XXYLT1: variants seen among roughly 807,000 people sequenced by gnomAD.
The protein encoded by XXYLT1 is UDP-xylose:alpha-xyloside alpha-1,3-xylosyltransferase.
In XXYLT1, 20 loss-of-function variants were observed where a neutral mutation model predicts 28.9. The ratio of observed to expected loss-of-function variants is 0.69; its 90% CI spans 0.49 to 1.00. The LOEUF (loss-of-function observed/expected upper bound fraction) is 1.00, where lower values mean the gene tolerates loss of function less well. Among genes scored for constraint, XXYLT1 ranks in the 50% least tolerant of loss-of-function variants. The probability of loss-of-function intolerance (pLI) is 0.00; values close to 1 mark genes in which losing one functional copy is unlikely to be tolerated. For missense variants in XXYLT1, 542 were observed against 560.1 expected, an observed-to-expected ratio of 0.97 and a Z score of 0.33; for synonymous variants, 257 against 253.8, an observed-to-expected ratio of 1.01 and a Z score of -0.12.
At position 195,070,058 on chromosome 3, in the gene XXYLT1, G is replaced by A. The variant is rs375309181; in HGVS notation, c.839C>T (p.Pro280Leu). 7.5e-5 allele frequency: 120 copies of A among 1,596,084 alleles called. No homozygotes were observed. In the Admixed American group the frequency reaches 9.1e-4, roughly 12 times the overall value. ...HENPQTRVGGPPPEGLPGFNS... is the reference protein window; with the variant it reads ...HENPQTRVGGLPPEGLPGFNS... ...GAAGCCCGGCAGCCCCTCGGGGGGC[G>A]GGCCCCCAACCCGGGTCTGGGGGTT... The change falls in exon 4 of 4, where the codon CCG becomes CTG. Residue 280 changes from proline to leucine, a missense_variant. Physicochemically the swap from Pro to Leu is moderately conservative, Grantham distance 98. Coordinates refer to ENST00000310380, the MANE Select transcript of XXYLT1 (RefSeq NM_152531.5).
At chr3:195,218,589 G>T (rs1177362753) in intron 2 of XXYLT1, among the ~76,000 whole-genome samples, 3 of 152,058 alleles carry the variant, frequency 2.0e-5, no homozygotes, top group Admixed American at 2.0e-4. Flanking sequence ...GGCCATCAGA[G>T]AAATGCAAAT....
rs1023160256 is a variant in XXYLT1, at chr3:195,209,416, G to C, written c.652+17293C>G. On this transcript the variant is annotated intron_variant, in intron 2 of 3. Coordinates refer to ENST00000310380, the MANE Select transcript of XXYLT1 (RefSeq NM_152531.5). The surrounding 1 kb of genome is among the most constrained non-coding windows in gnomAD (Gnocchi z 5.0). ...CCTCACCCCCTCGGCCCCATCAAGG[G>C]CTTTCAGATTTTACAGAAACGTTCC... The C allele has an allele frequency of 2.0e-5, 3 of 152,404 alleles. No homozygotes were observed. The highest frequency in any genetic ancestry group is 7.2e-5 in the African/African-American group (3 of 41,470). 9.4% of individuals were successfully genotyped at this position (152,404 alleles called of 1,614,324 possible).
chr3:195,226,322 G>A (rs1724049802), intron 2 of XXYLT1, among the ~76,000 whole-genome samples: 1 of 152,174 alleles, frequency 6.6e-6, no homozygotes, highest in African/African-American at 2.4e-5. Flanking sequence ...GATAAATACA[G>A]ATTCAAACTA....
chr3:195,110,347 T>TG (rs1717534915), intron 3 of XXYLT1, among the ~76,000 whole-genome samples: 1 of 57,422 alleles, frequency 1.7e-5, no homozygotes, highest in Non-Finnish European at 3.9e-5. Flanking sequence ...ATGTGTGTGG[T>TG]GTGTGGTGTA....
Position 195,180,228 on chromosome 3 carries a change from G to T in XXYLT1, c.653-23647C>A. 1 of 800,188 alleles carries T rather than the reference G, an allele frequency of 1.2e-6. No individual in the cohort carries two copies. Among genetic ancestry groups the T allele is most frequent in the Non-Finnish European group, 1.5e-6 (1 of 661,140 alleles). 49.6% of individuals were successfully genotyped at this position (800,188 alleles called of 1,614,324 possible). Reference sequence around the variant, plus strand: ...CAGTCATTTCTAACGCCAGATCCCCGTCTCTGCACTGACACCGGGGGTGGT... The same window carrying T: ...CAGTCATTTCTAACGCCAGATCCCCTTCTCTGCACTGACACCGGGGGTGGT... On this transcript the variant is annotated intron_variant, in intron 2 of 3. Transcript: ENST00000310380. This position sits in a 1 kb window ranked among gnomAD's most constrained non-coding sequence, Gnocchi z 5.8.
chr3:195,225,741 TG>T (rs1171859793), intron 2 of XXYLT1, among the ~76,000 whole-genome samples: 2 of 148,992 alleles, frequency 1.3e-5, no homozygotes, highest in Non-Finnish European at 3.0e-5. Context: ...GGGGACCTGG[TG>T]GGGGGTAATT....
intron 1 of XXYLT1, among the ~76,000 whole-genome samples, chr3:195,246,701 G>A (rs1220277413): frequency 1.3e-5 from 2 of 152,216 alleles, no homozygotes; most frequent in African/African-American, 4.8e-5. Flanking sequence ...AGGGGTCTGT[G>A]CTATCCTCTG....
chr3:195,232,949 A>T lies in XXYLT1; in HGVS notation c.505-6093T>A, dbSNP rs547652782. ...GTTTCTTTGTTGATTTTCTGTCTGG[A>T]TGATCTGTCCAATGCTGAAAGTGGG... On this transcript the variant is annotated intron_variant, in intron 1 of 3. Coordinates refer to ENST00000310380, the MANE Select transcript of XXYLT1 (RefSeq NM_152531.5). Among the ~76,000 whole-genome samples the T allele has an allele frequency of 9.9e-5, 15 of 152,248 alleles. No individual in the cohort carries two copies. In the South Asian group the frequency reaches 3.1e-3, roughly 32 times the overall value.
chr3:195,128,663 T>G (rs1718756713), intron 3 of XXYLT1, among the ~76,000 whole-genome samples: 1 of 152,204 alleles, frequency 6.6e-6, no homozygotes, highest in Non-Finnish European at 1.5e-5. Context: ...GACCAACTCC[T>G]GCTTTCCTTC....
chr3:195,127,349 T>C (rs1235799100), intron 3 of XXYLT1, among the ~76,000 whole-genome samples: 3 of 152,216 alleles, frequency 2.0e-5, no homozygotes, highest in Admixed American at 2.0e-4. Context: ...AGGGGTGCCA[T>C]GGACTTGCTA....
chr3:195,113,839 G>A (rs1717906727), intron 3 of XXYLT1, among the ~76,000 whole-genome samples: 1 of 152,126 alleles, frequency 6.6e-6, no homozygotes, highest in Non-Finnish European at 1.5e-5. Flanking sequence ...AGTGCCAGAG[G>A]GTGCTCCTGA....
chr3:195,167,741 T>C lies in XXYLT1; in HGVS notation c.653-11160A>G, dbSNP rs143569273. 1.3e-3 allele frequency among the ~76,000 whole-genome samples: 193 copies of C among 152,064 alleles called. 1 individual carries two copies. The highest frequency in any genetic ancestry group is 4.6e-3 in the African/African-American group (189 of 41,482). On this transcript the variant is annotated intron_variant, in intron 2 of 3. Transcript: ENST00000310380. The stretch of plus-strand genomic sequence containing the variant: ...GCTTCCTGGGATCACCCACTTACGG[T>C]AGGTTGTGCCAAGCATATTGTTCCC...
At chr3:195,126,116 C>G (rs1274636944) in intron 3 of XXYLT1, among the ~76,000 whole-genome samples, 3 of 146,816 alleles carry the variant, frequency 2.0e-5, no homozygotes, top group African/African-American at 7.7e-5. Context: ...GCAGACCCGC[C>G]TTGGGCAAGC....
intron 1 of XXYLT1, among the ~76,000 whole-genome samples, chr3:195,236,345 C>A (rs1266336882): frequency 6.6e-6 from 1 of 152,142 alleles, no homozygotes; most frequent in Non-Finnish European, 1.5e-5. Context: ...CCTCTTTCTC[C>A]AGGCAGAGGA....
rs1718785418 is a variant in XXYLT1 at position 195,129,236 on chromosome 3, G to A, written c.785+27213C>T. 6.6e-6 allele frequency among the ~76,000 whole-genome samples: 1 copy of A among 151,678 alleles called. No individual in the cohort carries two copies. The highest frequency in any genetic ancestry group is 1.5e-5 in the Non-Finnish European group (1 of 67,926). ...CTGCCCTCTCTCTCTCTCTTTTTTT[G>A]GTAACAGCTTTCTTGACACATAATT... On this transcript the variant is annotated intron_variant, in intron 3 of 3. Coordinates refer to ENST00000310380, the MANE Select transcript of XXYLT1 (RefSeq NM_152531.5). This position sits in a 1 kb window ranked among gnomAD's most constrained non-coding sequence, Gnocchi z 4.4.
Position 195,270,736 on chromosome 3 carries a change from G to C in XXYLT1, c.323C>G (p.Ala108Gly), listed in dbSNP as rs1384051597. Residue 108 changes from alanine to glycine, a missense_variant, in exon 1 of 4, where the codon GCG (alanine) becomes GGG (glycine). Transcript: ENST00000310380. ...DYHLLMMFTKAEHNAALQAKA... is the reference protein window; with the variant it reads ...DYHLLMMFTKGEHNAALQAKA... ...GGCCTGCAGCGCGGCATTGTGCTCC[G>C]CCTTGGTGAACATCATCAGCAGGTG... 1.3e-6 allele frequency: 2 copies of C among 1,589,806 alleles called. No homozygotes were observed. Among genetic ancestry groups the C allele is most frequent in the Non-Finnish European group, 1.7e-6 (2 of 1,172,236 alleles).
chr3:195,266,714 C>G (rs1216539585), intron 1 of XXYLT1, among the ~76,000 whole-genome samples: 2 of 152,160 alleles, frequency 1.3e-5, no homozygotes, highest in Non-Finnish European at 2.9e-5. Context: ...GGAGAGCACT[C>G]CTGGATTTCT....
intron 1 of XXYLT1, among the ~76,000 whole-genome samples, chr3:195,258,239 C>CTAGCCTCT (rs1474335772): frequency 2.0e-5 from 3 of 152,138 alleles, no homozygotes; most frequent in African/African-American, 7.2e-5. Context: ...AGACCCCACT[C>CTAGCCTCT]AGGGGGATAG....
rs1718801082 is a variant in XXYLT1 at position 195,129,582 on chromosome 3, A to G, written c.785+26867T>C. Among the ~76,000 whole-genome samples the G allele has an allele frequency of 6.6e-6, 1 of 152,180 alleles. No homozygotes were observed. The highest frequency in any genetic ancestry group is 2.4e-5 in the African/African-American group (1 of 41,442). On this transcript the variant is annotated intron_variant, in intron 3 of 3. Transcript: ENST00000310380. This position sits in a 1 kb window ranked among gnomAD's most constrained non-coding sequence, Gnocchi z 4.4. ...CAATTCTTCATTCCCTCTATGGCCA[A>G]ATAACATTTCATCATATTTTGCTTT...
Sources: gnomAD v4.1 joint callset for allele counts (sites outside exome capture counted in the v4.1 genomes callset) on GRCh38, gnomAD v4.1.1 for gene constraint, Gnocchi (gnomAD v3.1) non-coding constraint, MANE v1.5 for transcripts, NCBI Gene and HGNC (gene_info 2026-07-23, HGNC 2026-07-21) for gene names.